MAP3K3: variants seen among roughly 807,000 people sequenced by gnomAD.
MAP3K3 encodes mitogen-activated protein kinase kinase kinase 3, also known as MAP/ERK kinase kinase 3.
A neutral mutation model predicts 80.9 loss-of-function variants in MAP3K3; 12 were observed. The ratio of observed to expected loss-of-function variants is 0.15; its 90% confidence interval spans 0.10 to 0.24. The LOEUF is 0.24. Ranked by LOEUF, MAP3K3 falls within the 10% of genes least tolerant of loss-of-function variation. The pLI is 1.00. For synonymous variants in MAP3K3, 272 were observed against 307.1 expected, an observed-to-expected ratio of 0.89 and a Z score of 1.19; for missense variants, 596 against 834.7, an observed-to-expected ratio of 0.71 and a Z score of 3.52.
Position 63,692,640 on chromosome 17 carries a change from A to G in MAP3K3, c.1652+221A>G, listed in dbSNP as rs182584358. On this transcript the variant is annotated intron_variant, in intron 15 of 15. Transcript: ENST00000361733. The surrounding 1 kb of genome is among the most constrained non-coding windows in gnomAD (Gnocchi z 4.5). ...GCTGGGAACTTAGGCCATGGAAAAC[A>G]TCCCTCATGTTTGCTAAATCTCTTA... Among the ~76,000 whole-genome samples the G allele has an allele frequency of 6.0e-4, 91 of 152,346 alleles. 2 individuals are homozygous for G. Among genetic ancestry groups the G allele is most frequent in the Middle Eastern group, 3.4e-3 (1 of 294 alleles).
chr17:63,674,256 T>C (rs2035171001), intron 6 of MAP3K3, among the ~76,000 whole-genome samples: 1 of 152,130 alleles, frequency 6.6e-6, no homozygotes, highest in African/African-American at 2.4e-5. Flanking sequence ...CAGGTTTTTC[T>C]GGAGTTTGGT....
At position 63,689,831 on chromosome 17, in the gene MAP3K3, C is replaced by A; in HGVS notation, c.1063+96C>A. Reference sequence around the variant, plus strand: ...GGGCCCCTGGGACCCTTAGGCTCAGCAGGTGGTGGCTTTGGCCCAAATGCA... The same window carrying A: ...GGGCCCCTGGGACCCTTAGGCTCAGAAGGTGGTGGCTTTGGCCCAAATGCA... On this transcript the variant is annotated intron_variant, in intron 11 of 15. Coordinates refer to ENST00000361733, the MANE Select transcript of MAP3K3 (RefSeq NM_002401.5). The surrounding 1 kb of genome is among the most constrained non-coding windows in gnomAD (Gnocchi z 4.3). 7.9e-7 allele frequency: 1 copy of A among 1,264,610 alleles called. No individual in the cohort carries two copies. The highest frequency in any genetic ancestry group is 1.1e-6 in the Non-Finnish European group (1 of 923,468). 78.3% of individuals were successfully genotyped at this position (1,264,610 alleles called of 1,614,324 possible).
At chr17:63,670,586 C>CAAAAAAAAA (rs756058538) in intron 6 of MAP3K3, among the ~76,000 whole-genome samples, 3 of 79,916 alleles carry the variant, frequency 3.8e-5, no homozygotes, top group African/African-American at 4.8e-5. Flanking sequence ...GACTCTGTCT[C>CAAAAAAAAA]AAAAAAAAAA....
At chr17:63,669,825 G>A (rs2035068774) in intron 6 of MAP3K3, among the ~76,000 whole-genome samples, 1 of 152,148 alleles carries the variant, frequency 6.6e-6, no homozygotes, top group South Asian at 2.1e-4. Flanking sequence ...TTACTGGCTG[G>A]GCATGGTGGC....
intron 7 of MAP3K3, among the ~76,000 whole-genome samples, chr17:63,683,486 C>T (rs1357995483): frequency 2.0e-5 from 3 of 152,132 alleles, no homozygotes; most frequent in Non-Finnish European, 4.4e-5. Flanking sequence ...ATACTCTGCC[C>T]CCTTCACTTT....
At chr17:63,675,378 A>G (rs1024540403) in intron 6 of MAP3K3, among the ~76,000 whole-genome samples, 7 of 152,256 alleles carry the variant, frequency 4.6e-5, no homozygotes, top group African/African-American at 1.7e-4. Flanking sequence ...TGACCTGCAC[A>G]TTAACACTGA....
rs561900703 is a variant in MAP3K3, at chr17:63,626,345, AGT to A, written c.4+3587_4+3588del. ...AAACATGTAAACAATTAAGTGCAAA[AGT>A]GTGTAAAGATATACAGGAGAGAGAT... On this transcript the variant is annotated intron_variant, in intron 1 of 15. Coordinates refer to ENST00000361733, the MANE Select transcript of MAP3K3 (RefSeq NM_002401.5). Among the ~76,000 whole-genome samples the A allele has an allele frequency of 5.4e-3, 817 of 152,348 alleles. 5 individuals are homozygous for A. The highest frequency in any genetic ancestry group is 0.018 in the African/African-American group (747 of 41,584).
intron 3 of MAP3K3, among the ~76,000 whole-genome samples, chr17:63,650,567 C>T (rs777463574): frequency 9.9e-5 from 15 of 151,164 alleles, no homozygotes; most frequent in Non-Finnish European, 1.6e-4. Context: ...CCTCCCAAAG[C>T]GCTGGGATTA....
chr17:63,645,937 C>A, intron 2 of MAP3K3, 97 bp from the exon 3 acceptor site: 1 of 878,044 alleles, frequency 1.1e-6, no homozygotes, highest in Non-Finnish European at 1.9e-6. Flanking sequence ...GGATGTATGC[C>A]TAATGTTGCT....
chr17:63,667,392 G>T (rs1369103782), intron 6 of MAP3K3, among the ~76,000 whole-genome samples: 1 of 152,184 alleles, frequency 6.6e-6, no homozygotes, highest in Non-Finnish European at 1.5e-5. Context: ...GAAGAATAGA[G>T]ACTTGTAAAG....
chr17:63,645,424 G>C (rs762832722), intron 2 of MAP3K3, among the ~76,000 whole-genome samples: 1 of 152,240 alleles, frequency 6.6e-6, no homozygotes, highest in Non-Finnish European at 1.5e-5. Flanking sequence ...CCCCCAGTGG[G>C]GTAGCTTTGG....
chr17:63,674,043 G>T (rs939963930), intron 6 of MAP3K3, among the ~76,000 whole-genome samples: 2 of 151,314 alleles, frequency 1.3e-5, no homozygotes, highest in African/African-American at 2.4e-5. Context: ...TCGTGCCACT[G>T]CGCTCCAGCT....
Position 63,695,758 on chromosome 17 carries a change from G to T in MAP3K3, c.*1981G>T, listed in dbSNP as rs1381966909. 1 of 152,526 alleles carries T rather than the reference G, an allele frequency of 6.6e-6. No homozygotes were observed. The highest frequency in any genetic ancestry group is 2.4e-5 in the African/African-American group (1 of 41,402). The allele number at this position is 152,526 out of a possible 1,614,324, so 9.4% of individuals were successfully genotyped here. On this transcript the variant is annotated 3_prime_UTR_variant, in exon 16 of 16. Coordinates refer to ENST00000361733, the MANE Select transcript of MAP3K3 (RefSeq NM_002401.5). The surrounding 1 kb of genome is among the most constrained non-coding windows in gnomAD (Gnocchi z 4.1). ...GGTCTTACAGAGCTCCACCCCCTGG[G>T]GTCTTACCTCACTGGGAATGTGTTT...
intron 2 of MAP3K3, among the ~76,000 whole-genome samples, chr17:63,638,350 G>A (rs962204281): frequency 2.6e-5 from 4 of 152,140 alleles, no homozygotes; most frequent in Non-Finnish European, 4.4e-5. Flanking sequence ...GAATCAGAGC[G>A]AGGATAAGAA....
intron 2 of MAP3K3, among the ~76,000 whole-genome samples, chr17:63,639,413 T>G (rs1033915307): frequency 2.6e-5 from 4 of 152,136 alleles, no homozygotes; most frequent in Non-Finnish European, 5.9e-5. Context: ...ACAAACAGTG[T>G]GAGATGATCA....
intron 7 of MAP3K3, among the ~76,000 whole-genome samples, chr17:63,684,185 C>A (rs1218931683): frequency 6.6e-6 from 1 of 152,154 alleles, no homozygotes; most frequent in African/African-American, 2.4e-5. Context: ...TAACGTCCTT[C>A]ACTCCCTGCT....
chr17:63,623,359 G>T (rs974982621), intron 1 of MAP3K3, among the ~76,000 whole-genome samples: 1 of 152,214 alleles, frequency 6.6e-6, no homozygotes, highest in Non-Finnish European at 1.5e-5. Context: ...TGACAAATGC[G>T]TGCTGCACGC....
chr17:63,632,754 T>C lies in MAP3K3; in HGVS notation c.78T>C (p.Pro26=). Residue 26 remains proline, a synonymous_variant, in exon 2 of 16, where the codon CCT becomes CCC. Transcript: ENST00000361733. The stretch of plus-strand genomic sequence containing the variant: ...AGATGAACCGACGTCACCGGATGCC[T>C]GGATATGAGACCATGAAGAACAAAG... The part of the protein sequence containing the change: ...ALQMNRRHRM[P]GYETMKNKDT... 6.2e-7 allele frequency: 1 copy of C among 1,614,124 alleles called. No homozygotes were observed. Among genetic ancestry groups the C allele is most frequent in the East Asian group, 2.2e-5 (1 of 44,880 alleles).
At chr17:63,678,709 A>G (rs1223732371) in intron 6 of MAP3K3, among the ~76,000 whole-genome samples, 1 of 152,246 alleles carries the variant, frequency 6.6e-6, no homozygotes, top group African/African-American at 2.4e-5. Context: ...TATGTTCTGA[A>G]CAACTGACTT....
Sources: gnomAD v4.1 joint callset for allele counts (sites outside exome capture counted in the v4.1 genomes callset) on GRCh38, gnomAD v4.1.1 for gene constraint, Gnocchi (gnomAD v3.1) non-coding constraint, MANE v1.5 for transcripts, NCBI Gene and HGNC (gene_info 2026-07-23, HGNC 2026-07-21) for gene names.